Variants in KCNC2 observed in about 807,000 individuals in gnomAD.
The protein encoded by KCNC2 is voltage-gated potassium channel KCNC2.
Under a neutral mutation model 44.5 loss-of-function variants are expected in KCNC2, and 21 were observed. That is an observed-to-expected ratio of 0.47 (90% CI 0.33 to 0.68). The LOEUF (loss-of-function observed/expected upper bound fraction) is 0.68. KCNC2 is among the 30% of genes least tolerant of loss of function. The probability of loss-of-function intolerance (pLI) is 0.01; values close to 1 mark genes in which losing one functional copy is unlikely to be tolerated. For synonymous variants in KCNC2, 391 were observed against 339.1 expected, an observed-to-expected ratio of 1.15 and a Z score of -1.68; for missense variants, 589 against 826.2, an observed-to-expected ratio of 0.71 and a Z score of 3.52.
chr12:75,115,756 T>C (rs772982073), intron 2 of KCNC2, among the ~76,000 whole-genome samples: 1 of 152,186 alleles, frequency 6.6e-6, no homozygotes, highest in Non-Finnish European at 1.5e-5. Context: ...TCGTATCTTT[T>C]TTTAAACAAA....
At chr12:75,189,262 T>C (rs985975588) in intron 2 of KCNC2, among the ~76,000 whole-genome samples, 2 of 152,178 alleles carry the variant, frequency 1.3e-5, no homozygotes, top group South Asian at 2.1e-4. Context: ...AGTGTTTTGA[T>C]AGTTCAGGAG....
rs1193336361 is a variant in KCNC2, at chr12:75,207,710, C to A, written c.274G>T (p.Ala92Ser). 1.3e-6 allele frequency: 2 copies of A among 1,582,056 alleles called. No homozygotes were observed. The highest frequency in any genetic ancestry group is 1.7e-6 in the Non-Finnish European group (2 of 1,164,750). The change falls in exon 2 of 5, where the codon GCC becomes TCC. Residue 92 changes from alanine (A) to serine (S), a missense_variant. Physicochemically the swap from Ala to Ser is moderately conservative, Grantham distance 99 (BLOSUM62 1). Around this residue, in one of 7 missense-constraint regions of KCNC2, gnomAD observed 148 missense variants for 140.1 expected, o/e 1.06. Coordinates refer to ENST00000549446, the MANE Select transcript of KCNC2 (RefSeq NM_139137.4). This position sits in a 1 kb window ranked among gnomAD's most constrained non-coding sequence, Gnocchi z 4.1. Reference protein sequence around the residue: ...AGNCSSRGGRASDHPGGGREF... With the variant: ...AGNCSSRGGRSSDHPGGGREF... The stretch of plus-strand genomic sequence containing the variant: ...CGGCCGCCACCGGGATGGTCGCTGG[C>A]CCTGCCGCCGCGGGAACTGCAGTTG...
chr12:75,137,104 A>G (rs1051951165), intron 2 of KCNC2, among the ~76,000 whole-genome samples: 4 of 152,146 alleles, frequency 2.6e-5, no homozygotes, highest in South Asian at 2.1e-4. Context: ...TGCAAAATCT[A>G]ACAGACACTT....
At chr12:75,182,162 C>G (rs1219128570) in intron 2 of KCNC2, among the ~76,000 whole-genome samples, 1 of 151,900 alleles carries the variant, frequency 6.6e-6, no homozygotes, top group East Asian at 1.9e-4. Flanking sequence ...CACTCCATGA[C>G]AACTGCCTCT....
rs74914255 is a variant in KCNC2, at chr12:75,041,475, G to C, written c.*1630C>G. 2,666 of 1,214,716 alleles carry C rather than the reference G, an allele frequency of 2.2e-3. 51 individuals carry two copies. The East Asian group carries it at 0.046, about 21-fold the overall frequency. The allele number at this position is 1,214,716 out of a possible 1,614,324, so 75.2% of individuals were successfully genotyped here. A position where few individuals can be genotyped will look rare whatever the true frequency, so the allele number is the denominator to read the frequency against. The stretch of plus-strand genomic sequence containing the variant: ...TAACAAAAAATAAACATGAGAAATA[G>C]GAATTAATCAGCAGTCTCAAGGCTC... On this transcript the variant is annotated 3_prime_UTR_variant, in exon 5 of 5. Transcript: ENST00000549446.
chr12:75,112,627 C>T (rs2446338), intron 2 of KCNC2, among the ~76,000 whole-genome samples: 15,138 of 151,886 alleles, frequency 0.1, 842 homozygotes, highest in Middle Eastern at 0.12. Flanking sequence ...TTCTGTAAGA[C>T]CAAAATGTTC....
intron 2 of KCNC2, among the ~76,000 whole-genome samples, chr12:75,127,276 C>T (rs767780046): frequency 1.3e-5 from 2 of 152,074 alleles, no homozygotes; most frequent in African/African-American, 4.8e-5. Context: ...TACAGGATCC[C>T]TCACTTGCTT....
At chr12:75,164,348 C>CCT (rs1891312428) in intron 2 of KCNC2, among the ~76,000 whole-genome samples, 1 of 151,676 alleles carries the variant, frequency 6.6e-6, no homozygotes, top group South Asian at 2.1e-4. Flanking sequence ...TCATCATCCA[C>CCT]TTTGAAGACT....
chr12:75,130,409 C>T (rs1888750568), intron 2 of KCNC2, among the ~76,000 whole-genome samples: 1 of 152,108 alleles, frequency 6.6e-6, no homozygotes. Context: ...ATTTATCTCT[C>T]TCATCCCAGG....
At chr12:75,074,032 C>T (rs971276673) in intron 2 of KCNC2, among the ~76,000 whole-genome samples, 5 of 151,902 alleles carry the variant, frequency 3.3e-5, no homozygotes, top group African/African-American at 1.2e-4. Context: ...AAATTATAAA[C>T]ATTTTGAGAG....
At chr12:75,078,681 C>T (rs1207781709) in intron 2 of KCNC2, among the ~76,000 whole-genome samples, 1 of 152,104 alleles carries the variant, frequency 6.6e-6, no homozygotes, top group Non-Finnish European at 1.5e-5. Context: ...CTTAAGGGCA[C>T]ATAGATAATA....
chr12:75,182,354 C>G (rs986651486), intron 2 of KCNC2, among the ~76,000 whole-genome samples: 1 of 151,394 alleles, frequency 6.6e-6, no homozygotes, highest in Admixed American at 6.6e-5. Context: ...GAAACCCCAT[C>G]TCTACTAAAA....
chr12:75,052,030 T>C (rs924643964), intron 2 of KCNC2, among the ~76,000 whole-genome samples: 2 of 152,104 alleles, frequency 1.3e-5, no homozygotes, highest in Non-Finnish European at 2.9e-5. Context: ...ACTATAAAGC[T>C]GAAAGAGTTT....
intron 1 of KCNC2, 115 bp from the exon 2 acceptor site, chr12:75,208,117 G>A (rs1016731337): frequency 2.4e-6 from 3 of 1,247,230 alleles, no homozygotes; most frequent in South Asian, 1.3e-5. Flanking sequence ...AGACAGGCAC[G>A]GGGCAAAGAC....
At chr12:75,043,739 A>C in intron 4 of KCNC2, 2 of 1,500,910 alleles carry the variant, frequency 1.3e-6, no homozygotes, top group Non-Finnish European at 1.8e-6. Flanking sequence ...TTATAGGGTT[A>C]AAAGATGATT....
At chr12:75,192,536 TTAAG>T (rs1307072135) in intron 2 of KCNC2, among the ~76,000 whole-genome samples, 1 of 152,244 alleles carries the variant, frequency 6.6e-6, no homozygotes, top group African/African-American at 2.4e-5. Context: ...AGATAATAAA[TTAAG>T]TGTCACCGTC....
intron 2 of KCNC2, among the ~76,000 whole-genome samples, chr12:75,177,032 T>TTATATATATATATATA (rs3073537): frequency 1.8e-3 from 254 of 139,862 alleles, no homozygotes; most frequent in African/African-American, 6.4e-3. Context: ...GCTGCAAGTT[T>TTATATATATATATATA]TATATATATA....
At position 75,080,642 on chromosome 12, in the gene KCNC2, T is replaced by C. The variant is rs191564272; in HGVS notation, c.688-29325A>G. Among the ~76,000 whole-genome samples, 20 of 152,256 alleles carry C rather than the reference T, an allele frequency of 1.3e-4. No individual in the cohort carries two copies. The East Asian group carries it at 3.7e-3, about 28-fold the overall frequency. ...CAGACCTATTTTCAAGATGTTATTG[T>C]CCTTCAGGGATTAACTCAAAGGACA... On this transcript the variant is annotated intron_variant, in intron 2 of 4. Transcript: ENST00000549446.
chr12:75,077,535 C>T (rs941192883), intron 2 of KCNC2, among the ~76,000 whole-genome samples: 1 of 152,108 alleles, frequency 6.6e-6, no homozygotes, highest in Non-Finnish European at 1.5e-5. Context: ...CTTGGCATTA[C>T]TCATTTTTAA....
Sources: gnomAD v4.1 joint callset for allele counts (sites outside exome capture counted in the v4.1 genomes callset) on GRCh38, gnomAD v4.1.1 for gene constraint, gnomAD v4.1.1 regional missense constraint, Gnocchi (gnomAD v3.1) non-coding constraint, MANE v1.5 for transcripts, NCBI Gene and HGNC (gene_info 2026-07-23, HGNC 2026-07-21) for gene names.